MICAL3: variants seen among roughly 807,000 people sequenced by gnomAD.
MICAL3 encodes the protein microtubule associated monooxygenase, calponin and LIM domain containing 3.
A neutral mutation model predicts 207.4 loss-of-function variants in MICAL3; 62 were observed. The observed-to-expected ratio is 0.30, with a 90% CI of 0.24 to 0.37. The LOEUF (loss-of-function observed/expected upper bound fraction) is 0.37, where lower values mean the gene tolerates loss of function less well. MICAL3 is among the 10% of genes least tolerant of loss of function. The probability of loss-of-function intolerance (pLI) is 1.00; values close to 1 mark genes in which losing one functional copy is unlikely to be tolerated. For synonymous variants in MICAL3, 1,077 were observed against 1,069.3 expected, an observed-to-expected ratio of 1.01 and a Z score of -0.14; for missense variants, 2,368 against 2,635.6, an observed-to-expected ratio of 0.90 and a Z score of 2.22.
intron 25 of MICAL3, among the ~76,000 whole-genome samples, chr22:17,820,386 G>C (rs151124374): frequency 6.6e-6 from 1 of 152,046 alleles, no homozygotes; most frequent in Non-Finnish European, 1.5e-5. Flanking sequence ...ACGGAGTCTC[G>C]CTCTGTCGCC....
At chr22:17,887,270 C>T in intron 14 of MICAL3, 38 bp from the exon 15 acceptor site, 1 of 1,610,282 alleles carries the variant, frequency 6.2e-7, no homozygotes, top group Non-Finnish European at 8.5e-7. Flanking sequence ...TTATTCTAGC[C>T]ATACATACCT....
At chr22:17,962,941 C>G (rs1934978278) in intron 1 of MICAL3, among the ~76,000 whole-genome samples, 1 of 152,076 alleles carries the variant, frequency 6.6e-6, no homozygotes, top group Non-Finnish European at 1.5e-5. Context: ...ATTTTAGAGA[C>G]AGGGTCTCAC....
At chr22:17,880,237 C>T (rs542603557) in intron 16 of MICAL3, among the ~76,000 whole-genome samples, 5 of 152,314 alleles carry the variant, frequency 3.3e-5, no homozygotes, top group South Asian at 2.1e-4. Flanking sequence ...GGCTCAGACA[C>T]GTGACATGGC....
intron 29 of MICAL3, among the ~76,000 whole-genome samples, chr22:17,800,988 A>G: frequency 6.6e-6 from 1 of 152,256 alleles, no homozygotes; most frequent in African/African-American, 2.4e-5. Context: ...TTCAAGCAGC[A>G]GCCCCCACGT....
chr22:17,867,698 G>A (rs915377808), intron 17 of MICAL3, among the ~76,000 whole-genome samples: 6 of 152,218 alleles, frequency 3.9e-5, no homozygotes, highest in African/African-American at 1.4e-4. Context: ...AGACGTTATG[G>A]GGATGGTGAG....
intron 1 of MICAL3, among the ~76,000 whole-genome samples, chr22:17,952,462 G>A (rs1199068869): frequency 6.6e-6 from 1 of 152,212 alleles, no homozygotes; most frequent in African/African-American, 2.4e-5. Context: ...GAGTTGAGGA[G>A]GCCGAACTAA....
chr22:17,813,862 C>A (rs1040314202), intron 27 of MICAL3: 1 of 152,190 alleles, frequency 6.6e-6, no homozygotes, highest in Admixed American at 6.5e-5. Flanking sequence ...GCTCAAGAGG[C>A]AGCTGCGTTG....
chr22:17,795,952 TAGA>T (rs532080477), intron 29 of MICAL3, among the ~76,000 whole-genome samples: 17 of 152,188 alleles, frequency 1.1e-4, no homozygotes, highest in African/African-American at 4.1e-4. Flanking sequence ...ATGTAAGAAA[TAGA>T]AGACTTGGTT....
chr22:17,842,723 CGGG>C (rs1569090578), intron 19 of MICAL3, among the ~76,000 whole-genome samples: 1 of 152,230 alleles, frequency 6.6e-6, no homozygotes, highest in South Asian at 2.1e-4. Context: ...TCTGAAGCCA[CGGG>C]GTGCCCTGCC....
intron 1 of MICAL3, among the ~76,000 whole-genome samples, chr22:17,996,686 C>G (rs1922318605): frequency 6.6e-6 from 1 of 152,122 alleles, no homozygotes; most frequent in African/African-American, 2.4e-5. Flanking sequence ...ATTCTAAAGA[C>G]TGGAACCAAA....
intron 1 of MICAL3, among the ~76,000 whole-genome samples, chr22:17,915,183 C>A (rs73388420): frequency 0.025 from 3,862 of 152,278 alleles, 165 homozygotes; most frequent in African/African-American, 0.089. Flanking sequence ...TTACTTTTGC[C>A]GTTACTTTTA....
chr22:17,864,684 C>T (rs1459721582), intron 19 of MICAL3: 3 of 1,610,208 alleles, frequency 1.9e-6, no homozygotes, highest in Admixed American at 3.3e-5. Context: ...AGTGGAACTC[C>T]CCTCTGATTT....
chr22:17,843,087 C>G (rs185184765), intron 19 of MICAL3, among the ~76,000 whole-genome samples: 5 of 138,018 alleles, frequency 3.6e-5, no homozygotes, highest in South Asian at 4.6e-4. Flanking sequence ...CGCCACTGCA[C>G]TCCAGCCTGG....
chr22:17,985,282 T>G (rs1233355957), intron 1 of MICAL3, among the ~76,000 whole-genome samples: 4 of 151,128 alleles, frequency 2.6e-5, no homozygotes, highest in Non-Finnish European at 5.9e-5. Context: ...GCGTGCCCGA[T>G]TCCCTGCCTC....
Position 17,906,565 on chromosome 22 carries a change from G to A in MICAL3, c.248C>T (p.Ala83Val), listed in dbSNP as rs781098933. 16 of 1,611,724 alleles carry A rather than the reference G, an allele frequency of 9.9e-6. No homozygotes were observed. The highest frequency in any genetic ancestry group is 1.3e-5 in the African/African-American group (1 of 74,866). ...AAAGCTTACCTTGGTGTTAGTGCAC[G>A]CTTTTCCCTTTTTGTAGTCTTTGTG... ...GSHKDYKKGK[A>V]CTNTKCLIIG... The change falls in exon 2 of 32, where the codon GCG becomes GTG. Residue 83 changes from alanine (A) to valine (V), a missense_variant. By Grantham distance (64) the Ala-to-Val change is moderately conservative. Coordinates refer to ENST00000441493, the MANE Select transcript of MICAL3 (RefSeq NM_015241.3).
chr22:17,832,054 C>G lies in MICAL3; in HGVS notation c.2855G>C (p.Arg952Pro). The G allele has an allele frequency of 6.3e-7, 1 of 1,598,660 alleles. No homozygotes were observed. The highest frequency in any genetic ancestry group is 2.3e-5 in the East Asian group (1 of 44,366). Residue 952 changes from arginine (R) to proline (P), a missense_variant, in exon 21 of 32, where the codon CGC becomes CCC. Around this residue, in one of 4 missense-constraint regions of MICAL3, gnomAD observed 1,770 missense variants for 1,863.2 expected, o/e 0.95. Coordinates refer to ENST00000441493, the MANE Select transcript of MICAL3 (RefSeq NM_015241.3). ...ACCACCCAGGTCAGATGGGGGCAGG[C>G]GAGGCTCCTCCTCCTCCTCCTCTCC... ...EEGEEEEEEP[R>P]LPPSDLGGVP...
intron 19 of MICAL3, among the ~76,000 whole-genome samples, chr22:17,848,157 C>G (rs956221869): frequency 6.6e-6 from 1 of 152,224 alleles, no homozygotes; most frequent in Non-Finnish European, 1.5e-5. Flanking sequence ...AGATCTGCAG[C>G]AAAATCGGTC....
intron 1 of MICAL3, among the ~76,000 whole-genome samples, chr22:18,001,741 T>C (rs5992956): frequency 0.6 from 90,901 of 152,188 alleles, 28,402 homozygotes; most frequent in African/African-American, 0.79. Context: ...TCCGTCCCCC[T>C]GCAGGATCCA....
rs1349058322 is a variant in MICAL3 at position 17,818,835 on chromosome 22, T to G, written c.3826A>C (p.Thr1276Pro). 2 of 1,545,356 alleles carry G rather than the reference T, an allele frequency of 1.3e-6. No individual in the cohort carries two copies. The highest frequency in any genetic ancestry group is 1.7e-6 in the Non-Finnish European group (2 of 1,143,252). The change falls in exon 26 of 32, where the codon ACC becomes CCC. Residue 1276 changes from threonine (T) to proline (P), a missense_variant. By Grantham distance (38) the Thr-to-Pro change is conservative. This residue lies in a region of MICAL3 where 1,770 missense variants were observed against 1,863.2 expected (regional missense o/e 0.95). Coordinates refer to ENST00000441493, the MANE Select transcript of MICAL3 (RefSeq NM_015241.3). ...PSTEATVPSP[T>P]QSPIRFQPAP... ...GGCTGGAAGCGTATGGGGGACTGGGTAGGGGATGGGACAGTGGCCTCGGTG... is the reference window on the plus strand; with the variant it reads ...GGCTGGAAGCGTATGGGGGACTGGGGAGGGGATGGGACAGTGGCCTCGGTG...
Sources: allele counts gnomAD v4.1 joint callset (sites outside exome capture counted in the v4.1 genomes callset), GRCh38; gene constraint gnomAD v4.1.1; regional missense constraint gnomAD v4.1.1; transcripts MANE v1.5; gene names NCBI Gene and HGNC (gene_info 2026-07-23, HGNC 2026-07-21).